The following ABCB9 variants were observed in gnomAD, a reference collection of about 807,000 sequenced individuals.
ABCB9 encodes ABC-type oligopeptide transporter ABCB9.
Under a neutral mutation model 62.0 loss-of-function variants are expected in ABCB9, and 36 were observed. That is an observed-to-expected ratio of 0.58 (90% confidence interval 0.45 to 0.77). ABCB9 has a LOEUF of 0.77. Ranked by LOEUF, ABCB9 falls within the 30% of genes least tolerant of loss-of-function variation. The pLI, the probability that ABCB9 is intolerant of heterozygous loss-of-function variation, is 0.00. For synonymous variants in ABCB9, 435 were observed against 461.4 expected (o/e 0.94, Z 0.73); for missense variants, 943 against 1,054.7 (o/e 0.89, Z 1.47).
upstream of ABCB9, among the ~76,000 whole-genome samples, chr12:122,969,159 C>A (rs1312469210): frequency 1.6e-5 from 2 of 126,220 alleles, no homozygotes; most frequent in African/African-American, 6.0e-5. Flanking sequence ...TCACTGCCTT[C>A]CCAGCATCCT....
downstream of ABCB9, among the ~76,000 whole-genome samples, chr12:122,919,823 T>G (rs2034702890): frequency 6.6e-6 from 1 of 152,152 alleles, no homozygotes; most frequent in South Asian, 2.1e-4. Flanking sequence ...TGAGGCACTG[T>G]CACTGTCACC....
At chr12:122,951,564 A>G (rs149658932) in intron 2 of ABCB9, 3 of 152,272 alleles carry the variant, frequency 2.0e-5, no homozygotes, top group Non-Finnish European at 4.4e-5. Flanking sequence ...TCCAGGCCAC[A>G]TGGCAATCAG....
At chr12:122,969,550 A>G (rs1003964736), upstream of ABCB9, among the ~76,000 whole-genome samples, 1 of 152,114 alleles carries the variant, frequency 6.6e-6, no homozygotes, top group Non-Finnish European at 1.5e-5. Context: ...AGCCCGGGCA[A>G]CACAGTGGGA....
At position 122,960,326 on chromosome 12, in the gene ABCB9, T is replaced by A. The variant is rs760131079; in HGVS notation, c.-87-4A>T. 1.6e-4 allele frequency: 243 copies of A among 1,489,852 alleles called. No individual in the cohort carries two copies. The highest frequency in any genetic ancestry group is 2.1e-4 in the Non-Finnish European group (237 of 1,116,026). The allele number at this position is 1,489,852 out of a possible 1,614,324, so 92.3% of individuals were successfully genotyped here. A position where few individuals can be genotyped will look rare whatever the true frequency, so the allele number is the denominator to read the frequency against. Reference sequence around the variant, plus strand: ...CATCCACAGGGCGAGGCCAGGCCTGTAGGGACAACAGCAAACATCAGCACA... The same window carrying A: ...CATCCACAGGGCGAGGCCAGGCCTGAAGGGACAACAGCAAACATCAGCACA... On this transcript the variant is annotated splice_polypyrimidine_tract_variant and splice_region_variant and intron_variant, in intron 1 of 11. Coordinates refer to ENST00000280560, the MANE Select transcript of ABCB9 (RefSeq NM_019625.4).
chr12:122,926,383 A>G (rs2034906725), downstream of ABCB9, among the ~76,000 whole-genome samples: 1 of 151,958 alleles, frequency 6.6e-6, no homozygotes, highest in Admixed American at 6.6e-5. Context: ...TGTCTCTACT[A>G]AAAACACAAA....
Position 122,930,094 on chromosome 12 carries a change from G to A in ABCB9, c.2118C>T (p.His706=), listed in dbSNP as rs765074033. The A allele has an allele frequency of 2.9e-5, 45 of 1,557,522 alleles. No homozygotes were observed. The highest frequency in any genetic ancestry group is 3.9e-5 in the Admixed American group (2 of 51,484). ...IIAHRLSTVE[H]AHLIVVLDKG... is the part of the protein sequence containing the mutation. Reference sequence around the variant, plus strand: ...TGTCCAGCACCACAATGAGGTGCGCGTGCTCCACGGTGCTCAGCCGGTGCG... The same window carrying A: ...TGTCCAGCACCACAATGAGGTGCGCATGCTCCACGGTGCTCAGCCGGTGCG... Residue 706 remains histidine (H), a synonymous_variant, in exon 12 of 12, where the codon CAC becomes CAT. Coordinates refer to ENST00000280560, the MANE Select transcript of ABCB9 (RefSeq NM_019625.4). This position sits in a 1 kb window ranked among gnomAD's most constrained non-coding sequence, Gnocchi z 4.9.
chr12:122,927,342 T>G (rs1362921464), downstream of ABCB9, among the ~76,000 whole-genome samples: 5 of 152,144 alleles, frequency 3.3e-5, no homozygotes, highest in Admixed American at 2.6e-4. Flanking sequence ...CGGCTAATTT[T>G]TGTATTTTTA....
In ABCB9 at chr12:122,950,542, T is replaced by C. The variant is rs1377635623; in HGVS notation, c.625A>G (p.Thr209Ala). 5.0e-6 allele frequency: 8 copies of C among 1,612,732 alleles called. No individual in the cohort carries two copies. Among genetic ancestry groups the C allele is most frequent in the Non-Finnish European group, 6.8e-6 (8 of 1,179,926 alleles). Residue 209 changes from threonine to alanine, a missense_variant, in exon 3 of 12, where the codon ACG (threonine) becomes GCG (alanine). Transcript: ENST00000280560. ...ACGATGCCATCAATGGCGCGGCCCG[T>C]GTAGTAGGGCAGGAAGGTCTCTCCT... ...ALGETFLPYYTGRAIDGIVIQ... is the reference protein window; with the variant it reads ...ALGETFLPYYAGRAIDGIVIQ...
intron 2 of ABCB9, among the ~76,000 whole-genome samples, chr12:122,957,777 C>T (rs2036678394): frequency 6.6e-6 from 1 of 150,454 alleles, no homozygotes; most frequent in Non-Finnish European, 1.5e-5. Flanking sequence ...CCATGCCTGC[C>T]CACTCTGATG....
chr12:122,930,491 T>C lies in ABCB9; in HGVS notation c.2041-320A>G, dbSNP rs1384899951. On this transcript the variant is annotated intron_variant, in intron 11 of 11. Transcript: ENST00000280560. This position sits in a 1 kb window ranked among gnomAD's most constrained non-coding sequence, Gnocchi z 4.9. ...GGTGCGATCTCAGCTCACTGCAACC[T>C]CTGCCTCGTGGGTTCAATCGAGTCT... 6.8e-6 allele frequency among the ~76,000 whole-genome samples: 1 copy of C among 147,206 alleles called. No individual in the cohort carries two copies. Among genetic ancestry groups the C allele is most frequent in the Non-Finnish European group, 1.5e-5 (1 of 67,036 alleles).
rs2037054559 is a variant in ABCB9, at chr12:122,964,222, C to G, written c.-88+2065G>C. On this transcript the variant is annotated intron_variant, in intron 1 of 11. Transcript: ENST00000280560. This position sits in a 1 kb window ranked among gnomAD's most constrained non-coding sequence, Gnocchi z 4.7. Reference sequence around the variant, plus strand: ...CCTGGACAGCAGCCCAGGGGCTTGGCTGACTCTCCCAACCTGACTCCCAGC... The same window carrying G: ...CCTGGACAGCAGCCCAGGGGCTTGGGTGACTCTCCCAACCTGACTCCCAGC... Among the ~76,000 whole-genome samples the G allele has an allele frequency of 6.6e-6, 1 of 152,220 alleles. No individual in the cohort carries two copies. Among genetic ancestry groups the G allele is most frequent in the South Asian group, 2.1e-4 (1 of 4,836 alleles).
chr12:122,925,696 C>T (rs1238464388), downstream of ABCB9, among the ~76,000 whole-genome samples: 1 of 152,006 alleles, frequency 6.6e-6, no homozygotes, highest in East Asian at 1.9e-4. Flanking sequence ...TGCAGTGAGC[C>T]GAGATTGCAT....
chr12:122,944,432 C>T lies in ABCB9; in HGVS notation c.1339G>A (p.Ala447Thr), dbSNP rs144010660. 9.6e-5 allele frequency: 155 copies of T among 1,613,846 alleles called. No individual in the cohort carries two copies. The highest frequency in any genetic ancestry group is 1.3e-4 in the East Asian group (6 of 44,870). Residue 447 changes from alanine to threonine, a missense_variant, in exon 7 of 12, where the codon GCC becomes ACC. Ala to Thr is a moderately conservative substitution (Grantham distance 58, BLOSUM62 0). Transcript: ENST00000280560. The surrounding 1 kb of genome is among the most constrained non-coding windows in gnomAD (Gnocchi z 4.9). The part of the protein sequence containing the change: ...SGQMTSGNLI[A>T]FIIYEFVLGD... The stretch of plus-strand genomic sequence containing the variant: ...AGGACAAACTCGTAGATGATGAAGG[C>T]GATGAGGTTGCCGCTGGTCATCTGG...
intron 4 of ABCB9, 130 bp from the exon 5 acceptor site, chr12:122,948,959 G>A (rs918846345): frequency 3.0e-6 from 2 of 674,828 alleles, no homozygotes; most frequent in South Asian, 2.2e-5. Context: ...GGGTTGGGGG[G>A]TGGGGGAGAA....
In ABCB9 at chr12:122,940,187, T is replaced by C. The variant is rs772326323; in HGVS notation, c.1667A>G (p.Tyr556Cys). The C allele has an allele frequency of 1.2e-6, 2 of 1,613,478 alleles. No individual in the cohort carries two copies. The highest frequency in any genetic ancestry group is 1.7e-6 in the Non-Finnish European group (2 of 1,179,818). The change falls in exon 9 of 12, where the codon TAC (tyrosine) becomes TGC (cysteine). Residue 556 changes from tyrosine (Y) to cysteine (C), a missense_variant. Transcript: ENST00000280560. The surrounding 1 kb of genome is among the most constrained non-coding windows in gnomAD (Gnocchi z 4.8). ...CAGCACCCGGCCCCCCTCCAGGGGG[T>C]AGAAGTTCTCCAGGATGTTGACACA... is the stretch of plus-strand genomic sequence containing the variant. ...SSCVNILENF[Y>C]PLEGGRVLLD... is the part of the protein sequence containing the mutation.
chr12:122,930,238 A>G lies in ABCB9; in HGVS notation c.2041-67T>C. The G allele has an allele frequency of 7.0e-7, 1 of 1,434,926 alleles. No homozygotes were observed. The highest frequency in any genetic ancestry group is 9.4e-7 in the Non-Finnish European group (1 of 1,066,200). The allele number at this position is 1,434,926 out of a possible 1,614,324, so 88.9% of individuals were successfully genotyped here. On this transcript the variant is annotated intron_variant, in intron 11 of 11. Transcript: ENST00000280560. The surrounding 1 kb of genome is among the most constrained non-coding windows in gnomAD (Gnocchi z 4.9). ...CCCACCCGCAACCGTGCTTCATGCC[A>G]CGGCCTATGGGCTGATGCTTAACCT... is the stretch of plus-strand genomic sequence containing the variant.
chr12:122,923,075 A>T (rs965716917), intron 11 of ABCB9, among the ~76,000 whole-genome samples: 22 of 151,204 alleles, frequency 1.5e-4, no homozygotes, highest in African/African-American at 5.4e-4. Flanking sequence ...CTCCCAAAGT[A>T]CTGGGACTAC....
upstream of ABCB9, among the ~76,000 whole-genome samples, chr12:122,969,186 C>CGG (rs1255291731): frequency 2.7e-5 from 4 of 149,618 alleles, no homozygotes; most frequent in East Asian, 7.8e-4. Context: ...CCCCCCCCCC[C>CGG]CCCCGGCTGC....
intron 11 of ABCB9, among the ~76,000 whole-genome samples, chr12:122,923,300 T>TA (rs1202194736): frequency 2.0e-5 from 3 of 152,200 alleles, no homozygotes; most frequent in East Asian, 3.9e-4. Context: ...TTTATTTATT[T>TA]TTTTTGAGAC....
Sources: allele counts gnomAD v4.1 joint callset (sites outside exome capture counted in the v4.1 genomes callset), GRCh38; gene constraint gnomAD v4.1.1; non-coding constraint Gnocchi (gnomAD v3.1); transcripts MANE v1.5; gene names NCBI Gene and HGNC (gene_info 2026-07-23, HGNC 2026-07-21).